The following COL19A1 variants were observed in gnomAD, a reference collection of about 807,000 sequenced individuals.
COL19A1 encodes the protein collagen type XIX alpha 1 chain.
Under a neutral mutation model 190.2 loss-of-function variants are expected in COL19A1, and 159 were observed. The observed-to-expected ratio is 0.84, with a 90% CI of 0.73 to 0.95. The LOEUF is 0.95. COL19A1 is among the 40% of genes least tolerant of loss of function. The probability of loss-of-function intolerance (pLI) is 0.00; values close to 1 mark genes in which losing one functional copy is unlikely to be tolerated. For missense variants in COL19A1, 1,418 were observed against 1,431.9 expected (o/e 0.99, Z 0.16); for synonymous variants, 509 against 458.9 (o/e 1.11, Z -1.39).
At chr6:70,195,686 G>C (rs1469178213) in intron 48 of COL19A1, among the ~76,000 whole-genome samples, 1 of 152,182 alleles carries the variant, frequency 6.6e-6, no homozygotes, top group Non-Finnish European at 1.5e-5. Context: ...CTTTCAATCA[G>C]TGCTCCTTAT....
rs576813975 is a variant in COL19A1, at chr6:69,997,026, T to TATAGAG, written c.1027-26600_1027-26599insTAGAGA. ...GTGTTTATATATACATATATATATA[T>TATAGAG]AGAGAGAGAGAGAGAGAGAGAGAAA... On this transcript the variant is annotated intron_variant, in intron 11 of 50. Coordinates refer to ENST00000620364, the MANE Select transcript of COL19A1 (RefSeq NM_001858.6). 4.7e-4 allele frequency among the ~76,000 whole-genome samples: 69 copies of TATAGAG among 146,974 alleles called. No individual in the cohort carries two copies. In the East Asian group the frequency reaches 9.2e-3, roughly 20 times the overall value.
chr6:70,110,686 A>G (rs752477877), intron 16 of COL19A1, among the ~76,000 whole-genome samples: 1 of 152,098 alleles, frequency 6.6e-6, no homozygotes, highest in Non-Finnish European at 1.5e-5. Context: ...CTCAGGTTTT[A>G]TTTTCTAATT....
At chr6:69,874,762 A>T (rs1160166726) in intron 1 of COL19A1, among the ~76,000 whole-genome samples, 1 of 152,138 alleles carries the variant, frequency 6.6e-6, no homozygotes, top group Admixed American at 6.5e-5. Context: ...AAAAAAATAA[A>T]AAAAAAAGAA....
chr6:70,107,441 C>T (rs959910602), intron 16 of COL19A1, among the ~76,000 whole-genome samples: 1 of 152,128 alleles, frequency 6.6e-6, no homozygotes, highest in Non-Finnish European at 1.5e-5. Flanking sequence ...GCACCTACCC[C>T]ACCTACTTTT....
At chr6:70,098,608 C>T in intron 15 of COL19A1, 1 of 409,206 alleles carries the variant, frequency 2.4e-6, no homozygotes, top group South Asian at 2.1e-5. Flanking sequence ...GGTGGCAGGC[C>T]TTAGAGCCAC....
intron 11 of COL19A1, among the ~76,000 whole-genome samples, chr6:70,020,235 G>GTTAA (rs1778343893): frequency 6.6e-6 from 1 of 152,004 alleles, no homozygotes; most frequent in Non-Finnish European, 1.5e-5. Context: ...GCATATTGAT[G>GTTAA]TTAACTATTA....
chr6:70,100,649 T>A (rs547104734), intron 15 of COL19A1, among the ~76,000 whole-genome samples: 1 of 151,160 alleles, frequency 6.6e-6, no homozygotes, highest in African/African-American at 2.4e-5. Flanking sequence ...CATACCACCA[T>A]GCCTGGCTAA....
chr6:70,057,340 G>C (rs1399775623), intron 14 of COL19A1, among the ~76,000 whole-genome samples: 2 of 151,980 alleles, frequency 1.3e-5, no homozygotes, highest in Non-Finnish European at 2.9e-5. Context: ...AGAGTTAACT[G>C]AAATAAAACC....
chr6:70,037,908 C>T (rs536435211), intron 14 of COL19A1, among the ~76,000 whole-genome samples: 1 of 152,220 alleles, frequency 6.6e-6, no homozygotes, highest in East Asian at 1.9e-4. Flanking sequence ...GGAAAAAACA[C>T]TATGAAATGA....
chr6:70,047,019 G>A (rs76066403), intron 14 of COL19A1, among the ~76,000 whole-genome samples: 1,787 of 151,996 alleles, frequency 0.012, 9 homozygotes, highest in Non-Finnish European at 0.02. Context: ...TTTTCAAAAG[G>A]TATTTGGGTT....
At chr6:70,005,784 A>C (rs373380615) in intron 11 of COL19A1, among the ~76,000 whole-genome samples, 61 of 152,126 alleles carry the variant, frequency 4.0e-4, no homozygotes, top group Middle Eastern at 3.4e-3. Flanking sequence ...GTCCACAGAG[A>C]CTGTGGTCAC....
At chr6:70,051,722 A>G (rs1049744010) in intron 14 of COL19A1, among the ~76,000 whole-genome samples, 3 of 150,600 alleles carry the variant, frequency 2.0e-5, no homozygotes, top group Non-Finnish European at 2.9e-5. Context: ...GGAAAGACCC[A>G]TTGTCTCTCA....
At chr6:70,094,591 C>T (rs887975422) in intron 15 of COL19A1, among the ~76,000 whole-genome samples, 1 of 152,172 alleles carries the variant, frequency 6.6e-6, no homozygotes, top group Non-Finnish European at 1.5e-5. Context: ...TAAAAACCAT[C>T]TGTCAAATGA....
intron 9 of COL19A1, among the ~76,000 whole-genome samples, chr6:69,956,221 C>A (rs987083060): frequency 1.3e-5 from 2 of 151,548 alleles, no homozygotes; most frequent in African/African-American, 4.9e-5. Context: ...ATGTATTGAC[C>A]CATAAGAATA....
chr6:70,142,861 G>T (rs1430040484), intron 23 of COL19A1, 41 bp downstream of exon 23: 1 of 1,553,494 alleles, frequency 6.4e-7, no homozygotes. Context: ...TTGAAATTGA[G>T]ACTAGGACAT....
At chr6:69,900,654 C>T (rs1770127426) in intron 4 of COL19A1, among the ~76,000 whole-genome samples, 1 of 151,996 alleles carries the variant, frequency 6.6e-6, no homozygotes, top group Non-Finnish European at 1.5e-5. Flanking sequence ...TCAAGGTAAA[C>T]ATTAAAACAT....
chr6:69,900,849 A>G (rs1318448147), intron 4 of COL19A1, among the ~76,000 whole-genome samples: 1 of 152,126 alleles, frequency 6.6e-6, no homozygotes, highest in South Asian at 2.1e-4. Context: ...TACTCATTTA[A>G]TTTTAAAATA....
chr6:70,037,801 G>T (rs1341397765), intron 14 of COL19A1, among the ~76,000 whole-genome samples: 2 of 152,070 alleles, frequency 1.3e-5, no homozygotes, highest in African/African-American at 4.8e-5. Context: ...GCTTCTTTCT[G>T]CCAAGGAACA....
intron 11 of COL19A1, among the ~76,000 whole-genome samples, chr6:69,995,131 T>A (rs965139579): frequency 6.6e-6 from 1 of 152,146 alleles, no homozygotes; most frequent in Non-Finnish European, 1.5e-5. Flanking sequence ...TACCCACAAG[T>A]TAAACAAGGT....
Sources: allele counts gnomAD v4.1 joint callset (sites outside exome capture counted in the v4.1 genomes callset), GRCh38; gene constraint gnomAD v4.1.1; transcripts MANE v1.5; gene names NCBI Gene and HGNC (gene_info 2026-07-23, HGNC 2026-07-21).